The following C12orf42 variants were observed in gnomAD, a reference collection of about 807,000 sequenced individuals.
C12orf42 encodes the protein uncharacterized protein C12orf42.
Under a neutral mutation model 21.6 loss-of-function variants are expected in C12orf42, and 25 were observed. The ratio of observed to expected loss-of-function variants is 1.16; its 90% CI spans 0.84 to 1.62. The LOEUF (loss-of-function observed/expected upper bound fraction) is 1.62, where lower values mean the gene tolerates loss of function less well. Among genes scored for constraint, C12orf42 ranks in the 40% most tolerant of loss-of-function variants. The pLI is 0.00. For missense variants in C12orf42, 483 were observed against 459.3 expected (o/e 1.05, Z -0.47); for synonymous variants, 174 against 175.0 (o/e 0.99, Z 0.05).
At chr12:103,346,722 G>T (rs2137359303) in intron 4 of C12orf42, among the ~76,000 whole-genome samples, 1 of 152,276 alleles carries the variant, frequency 6.6e-6, no homozygotes, top group South Asian at 2.1e-4. Context: ...GAGTGACATG[G>T]TTGCACTACA....
At chr12:103,153,968 G>C in the C12orf42 span, among the ~76,000 whole-genome samples, 1 of 122,386 alleles carries the variant, frequency 8.2e-6, no homozygotes. Flanking sequence ...TGCAGTACTA[G>C]ACTGTAGTAA....
the C12orf42 span, among the ~76,000 whole-genome samples, chr12:103,525,241 G>A: frequency 9.2e-5 from 14 of 152,106 alleles, no homozygotes; most frequent in African/African-American, 3.4e-4. Flanking sequence ...TGTTGCCCAG[G>A]CTGGTCTTGA....
At chr12:103,494,701 C>A (rs1039576581) in intron 1 of C12orf42, among the ~76,000 whole-genome samples, 2 of 152,130 alleles carry the variant, frequency 1.3e-5, no homozygotes, top group Admixed American at 6.5e-5. Context: ...TAAGTAGGCC[C>A]GGCAATGAAT....
chr12:103,331,539 C>T (rs890199515), intron 4 of C12orf42, among the ~76,000 whole-genome samples: 2 of 152,166 alleles, frequency 1.3e-5, no homozygotes, highest in African/African-American at 4.8e-5. Context: ...GACATTAATT[C>T]CCACACACTG....
the C12orf42 span, among the ~76,000 whole-genome samples, chr12:103,065,778 C>T: frequency 1.3e-5 from 2 of 152,310 alleles, no homozygotes; most frequent in South Asian, 2.1e-4. Flanking sequence ...CCTCCTACAA[C>T]CAAGAAAGAG....
chr12:103,357,471 T>C (rs150202246), intron 4 of C12orf42, among the ~76,000 whole-genome samples: 8 of 151,870 alleles, frequency 5.3e-5, no homozygotes, highest in African/African-American at 1.9e-4. Context: ...AACCAAAGAG[T>C]TAAGTATGTT....
At chr12:103,131,538 T>C in the C12orf42 span, among the ~76,000 whole-genome samples, 1 of 152,220 alleles carries the variant, frequency 6.6e-6, no homozygotes, top group Admixed American at 6.5e-5. Flanking sequence ...GTAGTTGAGG[T>C]AAAGCCCCAT....
At chr12:103,160,297 A>C in the C12orf42 span, among the ~76,000 whole-genome samples, 1 of 152,210 alleles carries the variant, frequency 6.6e-6, no homozygotes, top group East Asian at 1.9e-4. Context: ...TATGAGCAAA[A>C]CTACCAAGTG....
the C12orf42 span, among the ~76,000 whole-genome samples, chr12:103,216,168 AT>A: frequency 6.6e-6 from 1 of 152,174 alleles, no homozygotes; most frequent in Non-Finnish European, 1.5e-5. Context: ...TCTCTCTAAT[AT>A]GAGCCTATGG....
At chr12:103,256,137 C>CGTATATAT (rs2034597791) in intron 10 of C12orf42, among the ~76,000 whole-genome samples, 5 of 107,712 alleles carry the variant, frequency 4.6e-5, no homozygotes, top group African/African-American at 7.2e-5. Context: ...CACACACACA[C>CGTATATAT]ACACACACGT....
chr12:103,459,462 C>T (rs1236040037), intron 2 of C12orf42, among the ~76,000 whole-genome samples: 2 of 152,022 alleles, frequency 1.3e-5, no homozygotes, highest in African/African-American at 4.8e-5. Context: ...TGTGGCACCT[C>T]CCCCTGCTCT....
At chr12:103,069,391 A>T in the C12orf42 span, among the ~76,000 whole-genome samples, 1 of 152,148 alleles carries the variant, frequency 6.6e-6, no homozygotes, top group Non-Finnish European at 1.5e-5. Context: ...CCAAATATGC[A>T]TTTAATATAC....
the C12orf42 span, chr12:103,558,174 T>C: frequency 6.6e-6 from 1 of 152,280 alleles, no homozygotes; most frequent in African/African-American, 2.4e-5. Flanking sequence ...CAAATCCTCC[T>C]GACTGGCCCA....
At chr12:103,062,914 G>GT in the C12orf42 span, among the ~76,000 whole-genome samples, 1 of 151,628 alleles carries the variant, frequency 6.6e-6, no homozygotes, top group African/African-American at 2.4e-5. Flanking sequence ...TGTCTCCTGC[G>GT]TTTTTTTATG....
At chr12:103,254,944 TATAA>T (rs1189289640) in intron 10 of C12orf42, among the ~76,000 whole-genome samples, 1 of 152,216 alleles carries the variant, frequency 6.6e-6, no homozygotes, top group African/African-American at 2.4e-5. Context: ...TTTTTTAAAT[TATAA>T]ATGTTTCATG....
chr12:103,309,237 G>A (rs1450576738), intron 4 of C12orf42, among the ~76,000 whole-genome samples: 2 of 152,032 alleles, frequency 1.3e-5, no homozygotes, highest in Non-Finnish European at 2.9e-5. Context: ...TTCTGCCTCT[G>A]CCACCCCTGA....
At chr12:103,363,939 T>C (rs1263766693) in intron 4 of C12orf42, among the ~76,000 whole-genome samples, 5 of 152,004 alleles carry the variant, frequency 3.3e-5, no homozygotes, top group African/African-American at 1.2e-4. Context: ...CAGGCCATCA[T>C]GGCAGAAAGT....
chr12:103,177,857 T>TTGTG, the C12orf42 span, among the ~76,000 whole-genome samples: 21 of 122,642 alleles, frequency 1.7e-4, no homozygotes, highest in African/African-American at 3.8e-4. Context: ...GTGTGTGTGT[T>TTGTG]TGTGTGTGTG....
intron 2 of C12orf42, among the ~76,000 whole-genome samples, chr12:103,418,488 T>G (rs1593919516): frequency 6.6e-6 from 1 of 152,332 alleles, no homozygotes; most frequent in African/African-American, 2.4e-5. Flanking sequence ...TTTGTATTCC[T>G]GGAAGCAAAC....
Sources: allele counts gnomAD v4.1 joint callset (sites outside exome capture counted in the v4.1 genomes callset), GRCh38; gene constraint gnomAD v4.1.1; transcripts MANE v1.5; gene names NCBI Gene and HGNC (gene_info 2026-07-23, HGNC 2026-07-21).